The following BANK1 variants were observed in gnomAD, a reference collection of about 807,000 sequenced individuals.
The protein encoded by BANK1 is B-cell scaffold protein with ankyrin repeats.
A neutral mutation model predicts 94.5 loss-of-function variants in BANK1; 95 were observed. The ratio of observed to expected loss-of-function variants is 1.00; its 90% confidence interval spans 0.85 to 1.19. The LOEUF (loss-of-function observed/expected upper bound fraction) is 1.19. Among genes scored for constraint, BANK1 ranks in the 50% most tolerant of loss-of-function variants. BANK1 has a pLI of 0.00. For synonymous variants in BANK1, 334 were observed against 308.4 expected, an observed-to-expected ratio of 1.08 and a Z score of -0.87; for missense variants, 987 against 932.2, an observed-to-expected ratio of 1.06 and a Z score of -0.77.
At chr4:102,022,766 T>C (rs1726957617) in intron 8 of BANK1, among the ~76,000 whole-genome samples, 1 of 152,046 alleles carries the variant, frequency 6.6e-6, no homozygotes, top group Non-Finnish European at 1.5e-5. Flanking sequence ...TCCTCCAATA[T>C]CTCCCCATTG....
chr4:102,056,634 T>C (rs1008482925), intron 11 of BANK1, among the ~76,000 whole-genome samples: 15 of 151,888 alleles, frequency 9.9e-5, no homozygotes, highest in Non-Finnish European at 5.9e-5. Flanking sequence ...GTGGCAGTTA[T>C]TTCAGTTTTC....
In BANK1 at chr4:102,032,713, T is replaced by G. The variant is rs1310637824; in HGVS notation, c.1900+2448T>G. ...GCCTGGCTAACATGATGAAACCCCG[T>G]CTCTACTAAAAATACAAAAAAGTTA... On this transcript the variant is annotated intron_variant, in intron 10 of 16. Transcript: ENST00000322953. 3.3e-5 allele frequency among the ~76,000 whole-genome samples: 5 copies of G among 151,772 alleles called. No homozygotes were observed. The East Asian group carries it at 9.7e-4, about 29-fold the overall frequency.
At chr4:101,862,338 G>A (rs1482056214) in intron 3 of BANK1, among the ~76,000 whole-genome samples, 188 bp from the exon 4 acceptor site, 3 of 151,950 alleles carry the variant, frequency 2.0e-5, no homozygotes, top group Non-Finnish European at 4.4e-5. Flanking sequence ...AAAGAAATTT[G>A]ATACTATTTA....
At chr4:101,900,887 C>T (rs973295901) in intron 6 of BANK1, among the ~76,000 whole-genome samples, 6 of 152,044 alleles carry the variant, frequency 3.9e-5, no homozygotes, top group Non-Finnish European at 7.4e-5. Context: ...GAGGGCAGAG[C>T]AGGGCAAACA....
intron 10 of BANK1, among the ~76,000 whole-genome samples, chr4:102,040,403 T>G (rs1298471655): frequency 6.6e-6 from 1 of 152,076 alleles, no homozygotes; most frequent in Non-Finnish European, 1.5e-5. Context: ...GTTTTGTCTG[T>G]GGACTTTTTA....
chr4:102,028,979 C>CCT (rs1453922456), intron 9 of BANK1, among the ~76,000 whole-genome samples: 1 of 151,790 alleles, frequency 6.6e-6, no homozygotes, highest in Non-Finnish European at 1.5e-5. Context: ...CAATGGCATG[C>CCT]CTATAGCTCA....
intron 7 of BANK1, among the ~76,000 whole-genome samples, chr4:101,926,022 T>C (rs750341774): frequency 2.0e-5 from 3 of 151,792 alleles, no homozygotes; most frequent in Non-Finnish European, 4.4e-5. Context: ...TAAAATTTCA[T>C]TGGAAAAATA....
At chr4:101,798,456 G>A (rs1476371952) in intron 1 of BANK1, among the ~76,000 whole-genome samples, 1 of 152,160 alleles carries the variant, frequency 6.6e-6, no homozygotes, top group Non-Finnish European at 1.5e-5. Context: ...ACATTTTAAT[G>A]TGTAGATTTT....
chr4:101,884,746 C>G (rs1276572711), intron 5 of BANK1, among the ~76,000 whole-genome samples: 1 of 152,078 alleles, frequency 6.6e-6, no homozygotes, highest in Non-Finnish European at 1.5e-5. Flanking sequence ...AAATATTGGT[C>G]ACCTCTCTTC....
At chr4:101,936,016 G>C (rs1723518470) in intron 7 of BANK1, among the ~76,000 whole-genome samples, 3 of 151,306 alleles carry the variant, frequency 2.0e-5, no homozygotes, top group Admixed American at 2.0e-4. Flanking sequence ...AAGATTTCTT[G>C]AGTAAACCCC....
At chr4:101,822,437 A>G (rs539762564) in intron 1 of BANK1, among the ~76,000 whole-genome samples, 4 of 152,112 alleles carry the variant, frequency 2.6e-5, no homozygotes, top group Admixed American at 2.6e-4. Flanking sequence ...TTATTTTATT[A>G]TTCAAATTCT....
At chr4:101,834,160 T>A (rs886732147) in intron 2 of BANK1, among the ~76,000 whole-genome samples, 16 of 152,162 alleles carry the variant, frequency 1.1e-4, no homozygotes, top group Non-Finnish European at 1.5e-4. Context: ...TTATGATGAG[T>A]ATTTTTAGGT....
rs576565364 is a variant in BANK1 at position 101,882,815 on chromosome 4, C to T, written c.903+12171C>T. Among the ~76,000 whole-genome samples, 6 of 151,184 alleles carry T rather than the reference C, an allele frequency of 4.0e-5. No individual in the cohort carries two copies. The South Asian group carries it at 6.2e-4, about 16-fold the overall frequency. ...ACAACCACTCTCTATTCTGGAAGAT[C>T]GACTTACAAATATGTGGGCACTCTG... On this transcript the variant is annotated intron_variant, in intron 5 of 16. Coordinates refer to ENST00000322953, the MANE Select transcript of BANK1 (RefSeq NM_017935.5).
chr4:102,073,556 A>G, intron 15 of BANK1, 128 bp from the exon 16 acceptor site: 2 of 723,962 alleles, frequency 2.8e-6, no homozygotes, highest in Non-Finnish European at 2.3e-6. Context: ...TTGTCTTGCC[A>G]GTTTTCTCTG....
intron 11 of BANK1, among the ~76,000 whole-genome samples, chr4:102,045,859 C>A (rs1275071943): frequency 6.6e-6 from 1 of 151,836 alleles, no homozygotes; most frequent in Admixed American, 6.6e-5. Context: ...TGAAAATGGC[C>A]GTACTGCCCA....
intron 2 of BANK1, among the ~76,000 whole-genome samples, chr4:101,840,878 A>G (rs1372571871): frequency 6.6e-6 from 1 of 152,156 alleles, no homozygotes; most frequent in Admixed American, 6.5e-5. Flanking sequence ...GTCTCACTCT[A>G]GAATGCAGTG....
chr4:101,927,846 G>GTAGAGGTTA (rs1723215414), intron 7 of BANK1, among the ~76,000 whole-genome samples: 1 of 151,654 alleles, frequency 6.6e-6, no homozygotes, highest in African/African-American at 2.4e-5. Context: ...AAGTTTGGAA[G>GTAGAGGTTA]TAGAGGTTAT....
chr4:101,834,237 A>C (rs1726739131), intron 2 of BANK1, among the ~76,000 whole-genome samples: 1 of 152,174 alleles, frequency 6.6e-6, no homozygotes, highest in Non-Finnish European at 1.5e-5. Flanking sequence ...TAAGAGGAAA[A>C]ACTCACACCT....
chr4:101,980,078 T>A (rs1725278626), intron 7 of BANK1, among the ~76,000 whole-genome samples: 1 of 151,696 alleles, frequency 6.6e-6, no homozygotes, highest in Non-Finnish European at 1.5e-5. Flanking sequence ...TGGCAAAAGT[T>A]TTTTTCTTAT....
Sources: gnomAD v4.1 joint callset for allele counts (sites outside exome capture counted in the v4.1 genomes callset) on GRCh38, gnomAD v4.1.1 for gene constraint, MANE v1.5 for transcripts, NCBI Gene and HGNC (gene_info 2026-07-23, HGNC 2026-07-21) for gene names.